Variants in DISC1 observed in about 807,000 individuals in gnomAD.
DISC1 encodes disrupted in schizophrenia 1 protein.
A neutral mutation model predicts 84.5 loss-of-function variants in DISC1; 57 were observed. The ratio of observed to expected loss-of-function variants is 0.67; its 90% confidence interval spans 0.55 to 0.84. The LOEUF (loss-of-function observed/expected upper bound fraction) is 0.84. Ranked by LOEUF, DISC1 falls within the 40% of genes least tolerant of loss-of-function variation. The probability of loss-of-function intolerance (pLI) is 0.00; values close to 1 mark genes in which losing one functional copy is unlikely to be tolerated. For missense variants in DISC1, 1,000 were observed against 1,057.8 expected, an observed-to-expected ratio of 0.95 and a Z score of 0.76; for synonymous variants, 411 against 415.2, an observed-to-expected ratio of 0.99 and a Z score of 0.12.
intron 1 of DISC1, among the ~76,000 whole-genome samples, chr1:231,662,846 T>TA (rs1038819958): frequency 4.0e-5 from 6 of 151,608 alleles, no homozygotes; most frequent in South Asian, 2.1e-4. Context: ...TGTGCCTCTG[T>TA]AAAAAAAAGG....
chr1:231,960,043 T>G (rs1437275495), intron 10 of DISC1, among the ~76,000 whole-genome samples: 1 of 152,146 alleles, frequency 6.6e-6, no homozygotes, highest in African/African-American at 2.4e-5. Flanking sequence ...AGACACCCAT[T>G]TAAATTGCAG....
intron 9 of DISC1, among the ~76,000 whole-genome samples, chr1:231,847,570 C>A (rs2083551699): frequency 2.6e-5 from 4 of 152,196 alleles, no homozygotes; most frequent in Admixed American, 2.6e-4. Context: ...TAAGACCTCA[C>A]CGGACCCTTC....
chr1:231,926,368 A>G (rs2090358863), intron 9 of DISC1, among the ~76,000 whole-genome samples: 1 of 152,220 alleles, frequency 6.6e-6, no homozygotes. Context: ...ATTTTGTATA[A>G]TATACAAAAT....
At chr1:231,956,520 A>G (rs1432116920) in intron 9 of DISC1, among the ~76,000 whole-genome samples, 2 of 152,074 alleles carry the variant, frequency 1.3e-5, no homozygotes, top group African/African-American at 4.8e-5. Context: ...TATTCTCAAC[A>G]TAGTTGCTGT....
At chr1:231,965,458 C>A (rs1057058497) in intron 10 of DISC1, among the ~76,000 whole-genome samples, 2 of 152,230 alleles carry the variant, frequency 1.3e-5, no homozygotes, top group Non-Finnish European at 2.9e-5. Flanking sequence ...ATCACTACTA[C>A]CTGCAACTTG....
At chr1:231,738,666 G>A (rs1486457129) in intron 3 of DISC1, among the ~76,000 whole-genome samples, 1 of 152,012 alleles carries the variant, frequency 6.6e-6, no homozygotes, top group Non-Finnish European at 1.5e-5. Flanking sequence ...TGTTTCCTTT[G>A]ATATCTAAAT....
At position 231,749,841 on chromosome 1, in the gene DISC1, A is replaced by G. The variant is rs1308244277; in HGVS notation, c.1118-85A>G. On this transcript the variant is annotated intron_variant, in intron 3 of 12. Coordinates refer to ENST00000439617, the MANE Select transcript of DISC1 (RefSeq NM_018662.3). The stretch of plus-strand genomic sequence containing the variant: ...GATGTCATTAAGGCAAAGGTTCACT[A>G]CAACTGGAGCTAAGAGACACCGGGG... The G allele has an allele frequency of 9.5e-6, 15 of 1,582,128 alleles. No individual in the cohort carries two copies. The East Asian group carries it at 1.8e-4, about 19-fold the overall frequency.
intron 9 of DISC1, among the ~76,000 whole-genome samples, chr1:231,840,740 C>T (rs1039076447): frequency 1.3e-5 from 2 of 151,610 alleles, no homozygotes; most frequent in African/African-American, 4.9e-5. Context: ...CGGAGTCTCG[C>T]TCTGTCACCC....
chr1:231,745,130 G>C (rs771034951), intron 3 of DISC1, among the ~76,000 whole-genome samples: 1 of 151,948 alleles, frequency 6.6e-6, no homozygotes, highest in Non-Finnish European at 1.5e-5. Context: ...TAATAATTGT[G>C]CATATTTATG....
intron 3 of DISC1, chr1:231,722,677 A>C: frequency 6.2e-7 from 1 of 1,606,442 alleles, no homozygotes; most frequent in Non-Finnish European, 8.5e-7. Context: ...TTTAGACATC[A>C]TGAAAAGAAA....
intron 1 of DISC1, among the ~76,000 whole-genome samples, chr1:231,669,746 G>GA (rs1558289677): frequency 6.6e-6 from 1 of 151,866 alleles, no homozygotes; most frequent in African/African-American, 2.4e-5. Context: ...AGGTTGTGGA[G>GA]AAAAAAACGC....
At chr1:231,669,039 T>G (rs2062305070) in intron 1 of DISC1, among the ~76,000 whole-genome samples, 1 of 152,354 alleles carries the variant, frequency 6.6e-6, no homozygotes, top group South Asian at 2.1e-4. Context: ...AGTTTTTCTT[T>G]TGAGGAAGCT....
chr1:231,778,803 G>T (rs16854959), intron 6 of DISC1, among the ~76,000 whole-genome samples: 2,601 of 152,172 alleles, frequency 0.017, 58 homozygotes, highest in Admixed American at 0.054. Flanking sequence ...TTTTCATTGC[G>T]TTGTAAATTA....
chr1:231,899,619 C>T (rs1476139595), intron 9 of DISC1, among the ~76,000 whole-genome samples: 1 of 152,076 alleles, frequency 6.6e-6, no homozygotes, highest in Admixed American at 6.6e-5. Flanking sequence ...CGATCAAAGC[C>T]TGAAGTTTGA....
intron 9 of DISC1, among the ~76,000 whole-genome samples, chr1:231,848,773 C>G (rs2083646884): frequency 6.6e-6 from 1 of 152,106 alleles, no homozygotes; most frequent in African/African-American, 2.4e-5. Flanking sequence ...GTTAATGCCC[C>G]CTTTCTTCCC....
intron 1 of DISC1, among the ~76,000 whole-genome samples, chr1:231,635,070 G>A (rs919397205): frequency 6.6e-6 from 1 of 152,076 alleles, no homozygotes; most frequent in East Asian, 1.9e-4. Flanking sequence ...AGGTGTTCCA[G>A]CCCTTCCTGT....
At chr1:231,824,909 T>TCCATCCAC (rs2081753774) in intron 9 of DISC1, among the ~76,000 whole-genome samples, 2 of 138,070 alleles carry the variant, frequency 1.4e-5, no homozygotes, top group South Asian at 2.2e-4. Flanking sequence ...CATCCATCCA[T>TCCATCCAC]CCACCCATCC....
At chr1:231,834,812 A>G (rs2125835243) in intron 9 of DISC1, among the ~76,000 whole-genome samples, 1 of 152,284 alleles carries the variant, frequency 6.6e-6, no homozygotes, top group African/African-American at 2.4e-5. Flanking sequence ...GTGAAGGACC[A>G]AGGCAGGCGT....
At chr1:231,712,910 A>G (rs901579714) in intron 3 of DISC1, among the ~76,000 whole-genome samples, 4 of 152,232 alleles carry the variant, frequency 2.6e-5, no homozygotes, top group South Asian at 4.1e-4. Context: ...GTGGGAAATT[A>G]GGACATTCAA....
Sources: gnomAD v4.1 joint callset for allele counts (sites outside exome capture counted in the v4.1 genomes callset) on GRCh38, gnomAD v4.1.1 for gene constraint, MANE v1.5 for transcripts, NCBI Gene and HGNC (gene_info 2026-07-23, HGNC 2026-07-21) for gene names.